Variants in ARHGAP26 observed in about 807,000 individuals in gnomAD.
The protein encoded by ARHGAP26 is rho GTPase-activating protein 26.
A neutral mutation model predicts 104.8 loss-of-function variants in ARHGAP26; 38 were observed. The observed-to-expected ratio is 0.36, with a 90% CI of 0.28 to 0.48. The LOEUF is 0.48. Ranked by LOEUF, ARHGAP26 falls within the 20% of genes least tolerant of loss-of-function variation. The pLI is 0.99. For synonymous variants in ARHGAP26, 341 were observed against 340.0 expected (o/e 1.00, Z -0.03); for missense variants, 704 against 947.9 (o/e 0.74, Z 3.38).
chr5:143,159,924 ATT>A (rs199761987), intron 20 of ARHGAP26, among the ~76,000 whole-genome samples: 32,596 of 148,632 alleles, frequency 0.22, 3,990 homozygotes, highest in East Asian at 0.4. Context: ...GTGGTATGGG[ATT>A]TTTTTTTTTT....
intron 17 of ARHGAP26, among the ~76,000 whole-genome samples, chr5:143,077,915 A>G (rs773767731): frequency 1.6e-4 from 24 of 151,670 alleles, no homozygotes; most frequent in South Asian, 8.4e-4. Flanking sequence ...CCCTCCCCCA[A>G]CCCTGGTTTC....
chr5:143,014,033 G>A (rs759143663), intron 11 of ARHGAP26, 47 bp from the exon 12 acceptor site: 6 of 1,585,146 alleles, frequency 3.8e-6, no homozygotes, highest in Non-Finnish European at 4.3e-6. Flanking sequence ...TGAACCTATA[G>A]GGTGGCATAA....
At chr5:142,824,904 A>G (rs1026489046) in intron 1 of ARHGAP26, among the ~76,000 whole-genome samples, 2 of 152,144 alleles carry the variant, frequency 1.3e-5, no homozygotes, top group African/African-American at 4.8e-5. Flanking sequence ...TATATTGAGG[A>G]TCATCTGTCC....
At chr5:143,110,057 G>C (rs959713982) in intron 17 of ARHGAP26, among the ~76,000 whole-genome samples, 1 of 152,212 alleles carries the variant, frequency 6.6e-6, no homozygotes, top group African/African-American at 2.4e-5. Context: ...TGTACCTGCT[G>C]TTTCCTCTGC....
At chr5:142,878,966 GT>G (rs1562002648) in intron 3 of ARHGAP26, among the ~76,000 whole-genome samples, 1 of 152,098 alleles carries the variant, frequency 6.6e-6, no homozygotes, top group African/African-American at 2.4e-5. Flanking sequence ...GTGTTTCTTT[GT>G]TTATTTGTTT....
chr5:143,088,772 T>G (rs1183724122), intron 17 of ARHGAP26, among the ~76,000 whole-genome samples: 1 of 152,252 alleles, frequency 6.6e-6, no homozygotes, highest in African/African-American at 2.4e-5. Context: ...ATGTGATCCC[T>G]GCCGCTGTGT....
intron 17 of ARHGAP26, among the ~76,000 whole-genome samples, chr5:143,097,946 T>C (rs1792652233): frequency 6.6e-6 from 1 of 152,186 alleles, no homozygotes; most frequent in Non-Finnish European, 1.5e-5. Flanking sequence ...GTATTGGTTG[T>C]AAAAGTCTGG....
At chr5:143,168,834 A>T (rs550259694) in intron 20 of ARHGAP26, 6 of 152,254 alleles carry the variant, frequency 3.9e-5, no homozygotes, top group Admixed American at 1.3e-4. Flanking sequence ...ACGTAGACTT[A>T]CAGAAAATGC....
rs1476847052 is a variant in ARHGAP26, at chr5:143,223,053, C to T, written c.*607C>T. 4.3e-6 allele frequency: 1 copy of T among 233,266 alleles called. No individual in the cohort carries two copies. Among genetic ancestry groups the T allele is most frequent in the African/African-American group, 2.2e-5 (1 of 45,312 alleles). 14.4% of individuals were successfully genotyped at this position (233,266 alleles called of 1,614,324 possible). A position where few individuals can be genotyped will look rare whatever the true frequency, so the allele number is the denominator to read the frequency against. ...CCGTTGGCCTGTCATCAGTGAGATA[C>T]AATCCAGTCTTCTCATGCACGGGAA... is the stretch of plus-strand genomic sequence containing the variant. On this transcript the variant is annotated 3_prime_UTR_variant, in exon 23 of 23. Coordinates refer to ENST00000645722, the MANE Select transcript of ARHGAP26 (RefSeq NM_001135608.3).
chr5:142,947,592 G>T (rs1366328649), intron 11 of ARHGAP26, among the ~76,000 whole-genome samples: 3 of 152,170 alleles, frequency 2.0e-5, no homozygotes, highest in Non-Finnish European at 4.4e-5. Context: ...TTGTTAGGGT[G>T]CTTAGTAGAG....
intron 11 of ARHGAP26, among the ~76,000 whole-genome samples, chr5:142,965,905 G>C (rs1771243064): frequency 6.6e-6 from 1 of 152,134 alleles, no homozygotes; most frequent in Non-Finnish European, 1.5e-5. Context: ...AGTGTAAATA[G>C]TTGGAGCGTT....
At chr5:143,160,489 C>CT (rs1182035766) in intron 20 of ARHGAP26, among the ~76,000 whole-genome samples, 180 of 144,172 alleles carry the variant, frequency 1.2e-3, no homozygotes, top group African/African-American at 4.2e-3. Flanking sequence ...TTTTTTCTTT[C>CT]TTTTTTTTTC....
chr5:143,227,906 A>G lies in ARHGAP26; in HGVS notation c.*5460A>G. The stretch of plus-strand genomic sequence containing the variant: ...AAATTTCACAGCTAATATTTTTACA[A>G]AAGTTGTGCCAGACATTACAGAGTG... On this transcript the variant is annotated 3_prime_UTR_variant, in exon 23 of 23. Coordinates refer to ENST00000645722, the MANE Select transcript of ARHGAP26 (RefSeq NM_001135608.3). 1 of 222,336 alleles carries G rather than the reference A, an allele frequency of 4.5e-6. No homozygotes were observed. Among genetic ancestry groups the G allele is most frequent in the Non-Finnish European group, 9.0e-6 (1 of 111,174 alleles). 13.8% of individuals were successfully genotyped at this position (222,336 alleles called of 1,614,324 possible).
At chr5:142,805,188 C>T (rs375901098) in intron 1 of ARHGAP26, among the ~76,000 whole-genome samples, 39 of 151,380 alleles carry the variant, frequency 2.6e-4, no homozygotes, top group Admixed American at 2.0e-3. Flanking sequence ...CTGCAACCTC[C>T]GCCTCTCGGG....
intron 1 of ARHGAP26, among the ~76,000 whole-genome samples, chr5:142,798,907 C>A (rs1269221163): frequency 6.6e-6 from 1 of 152,152 alleles, no homozygotes; most frequent in Non-Finnish European, 1.5e-5. Flanking sequence ...AGCATGGAGC[C>A]CCTTCATCCA....
intron 18 of ARHGAP26, among the ~76,000 whole-genome samples, chr5:143,132,266 T>A (rs954060660): frequency 6.6e-6 from 1 of 152,002 alleles, no homozygotes; most frequent in African/African-American, 2.4e-5. Flanking sequence ...ATAATTCTTA[T>A]GATTTTGTTT....
At chr5:142,828,219 A>C (rs562906224) in intron 1 of ARHGAP26, among the ~76,000 whole-genome samples, 1 of 152,340 alleles carries the variant, frequency 6.6e-6, no homozygotes, top group African/African-American at 2.4e-5. Context: ...TCTGTTAAAA[A>C]TTACGAGTGT....
At chr5:143,036,664 G>A (rs1782685510) in intron 12 of ARHGAP26, among the ~76,000 whole-genome samples, 1 of 152,126 alleles carries the variant, frequency 6.6e-6, no homozygotes, top group Non-Finnish European at 1.5e-5. Flanking sequence ...TATTGGCTCT[G>A]CATCTTTGGT....
At chr5:142,790,960 C>T (rs528826551) in intron 1 of ARHGAP26, among the ~76,000 whole-genome samples, 21 of 152,172 alleles carry the variant, frequency 1.4e-4, no homozygotes, top group Admixed American at 2.6e-4. Context: ...TAAATGATGT[C>T]GAATGTTCCT....
Sources: allele counts gnomAD v4.1 joint callset (sites outside exome capture counted in the v4.1 genomes callset), GRCh38; gene constraint gnomAD v4.1.1; transcripts MANE v1.5; gene names NCBI Gene and HGNC (gene_info 2026-07-23, HGNC 2026-07-21).